CRPPA: variants seen among roughly 807,000 people sequenced by gnomAD.
CRPPA encodes CDP-L-ribitol pyrophosphorylase A, also known as D-ribitol-5-phosphate cytidylyltransferase.
A neutral mutation model predicts 52.0 loss-of-function variants in CRPPA; 43 were observed. That is an observed-to-expected ratio of 0.83 (90% CI 0.65 to 1.07). The LOEUF (loss-of-function observed/expected upper bound fraction) is 1.07, where lower values mean the gene tolerates loss of function less well. CRPPA is among the 50% of genes least tolerant of loss of function. The pLI, the probability that CRPPA is intolerant of heterozygous loss-of-function variation, is 0.00. For missense variants in CRPPA, 629 were observed against 551.7 expected, an observed-to-expected ratio of 1.14 and a Z score of -1.40; for synonymous variants, 250 against 203.5, an observed-to-expected ratio of 1.23 and a Z score of -1.94.
intron 8 of CRPPA, among the ~76,000 whole-genome samples, chr7:16,224,081 T>C (rs1242644929): frequency 6.6e-6 from 1 of 152,156 alleles, no homozygotes; most frequent in African/African-American, 2.4e-5. Context: ...TATAAACTGG[T>C]AAACTGCTTA....
chr7:16,103,663 C>T (rs886805353), intron 9 of CRPPA, among the ~76,000 whole-genome samples: 1 of 152,004 alleles, frequency 6.6e-6, no homozygotes, highest in Non-Finnish European at 1.5e-5. Context: ...CTAACACACC[C>T]AAGTCTGGGG....
intron 3 of CRPPA, among the ~76,000 whole-genome samples, chr7:16,341,204 T>C (rs1182635520): frequency 6.6e-6 from 1 of 151,948 alleles, no homozygotes; most frequent in East Asian, 1.9e-4. Context: ...CCTTGAAACA[T>C]AGAACACCAA....
chr7:16,234,172 A>G (rs539675307), intron 8 of CRPPA, among the ~76,000 whole-genome samples: 6 of 152,284 alleles, frequency 3.9e-5, no homozygotes, highest in African/African-American at 1.4e-4. Flanking sequence ...TTTACTTAAT[A>G]TAGTAGCGAT....
intron 9 of CRPPA, among the ~76,000 whole-genome samples, chr7:16,146,540 A>G (rs1782977647): frequency 6.6e-6 from 1 of 152,198 alleles, no homozygotes; most frequent in Non-Finnish European, 1.5e-5. Context: ...AGTTAAAAAC[A>G]AAAATATTAA....
At chr7:16,231,465 T>C (rs750363044) in intron 8 of CRPPA, among the ~76,000 whole-genome samples, 3 of 152,200 alleles carry the variant, frequency 2.0e-5, no homozygotes, top group Non-Finnish European at 2.9e-5. Flanking sequence ...GCAGTGCTTA[T>C]ATATTATGAT....
At chr7:16,311,942 C>G (rs577929832) in intron 3 of CRPPA, among the ~76,000 whole-genome samples, 4 of 151,976 alleles carry the variant, frequency 2.6e-5, no homozygotes, top group African/African-American at 4.8e-5. Flanking sequence ...TTATGTGATT[C>G]TGTTTCTGGG....
rs558131852 is a variant in CRPPA, at chr7:16,113,244, G to A, written c.1252-21445C>T. Among the ~76,000 whole-genome samples the A allele has an allele frequency of 1.3e-4, 20 of 152,004 alleles. No homozygotes were observed. In the East Asian group the frequency reaches 3.5e-3, roughly 26 times the overall value. On this transcript the variant is annotated intron_variant, in intron 9 of 9. Transcript: ENST00000407010. ...AGATTCAGTTGCAGAGAGAATTACTGAAACTGGAGAAATAATTAAGGAAAT... is the reference window on the plus strand; with the variant it reads ...AGATTCAGTTGCAGAGAGAATTACTAAAACTGGAGAAATAATTAAGGAAAT...
chr7:16,149,982 TAA>T (rs1157286745), intron 9 of CRPPA, among the ~76,000 whole-genome samples: 5 of 138,282 alleles, frequency 3.6e-5, no homozygotes, highest in Admixed American at 7.3e-5. Flanking sequence ...CGAGAGTCAT[TAA>T]AAAAAAAAAA....
intron 8 of CRPPA, among the ~76,000 whole-genome samples, chr7:16,247,275 G>C (rs943298143): frequency 8.5e-5 from 13 of 152,172 alleles, no homozygotes; most frequent in Non-Finnish European, 1.8e-4. Flanking sequence ...CTCTAAATTA[G>C]GCTTTGTATC....
At chr7:16,414,283 C>G (rs117335508) in intron 1 of CRPPA, among the ~76,000 whole-genome samples, 1 of 151,172 alleles carries the variant, frequency 6.6e-6, no homozygotes, top group Non-Finnish European at 1.5e-5. Context: ...CTTTCTTAAT[C>G]CCTTTTGCTG....
chr7:16,163,424 G>C (rs1780961219), intron 9 of CRPPA, among the ~76,000 whole-genome samples: 1 of 151,752 alleles, frequency 6.6e-6, no homozygotes. Flanking sequence ...CACATGAGAT[G>C]GGTCTCCTTA....
intron 9 of CRPPA, among the ~76,000 whole-genome samples, chr7:16,160,414 T>C (rs1187681316): frequency 6.6e-6 from 1 of 152,212 alleles, no homozygotes; most frequent in African/African-American, 2.4e-5. Flanking sequence ...ACACCATTTA[T>C]TAAATAGGGA....
chr7:16,200,137 C>T (rs770683453), intron 9 of CRPPA, among the ~76,000 whole-genome samples: 3 of 152,150 alleles, frequency 2.0e-5, no homozygotes, highest in Non-Finnish European at 4.4e-5. Context: ...GAATTAAAGG[C>T]GTAAGCCACT....
At chr7:16,264,508 T>C (rs1783900723) in intron 6 of CRPPA, among the ~76,000 whole-genome samples, 1 of 152,196 alleles carries the variant, frequency 6.6e-6, no homozygotes, top group Admixed American at 6.5e-5. Context: ...GGAATAAAGA[T>C]GGATTGTCAA....
At chr7:16,211,761 A>G (rs1366838509) in intron 9 of CRPPA, among the ~76,000 whole-genome samples, 1 of 152,198 alleles carries the variant, frequency 6.6e-6, no homozygotes, top group Admixed American at 6.5e-5. Flanking sequence ...GCTGTAATAG[A>G]AAACTGTTCC....
intron 7 of CRPPA, 148 bp downstream of exon 7, chr7:16,258,772 A>G (rs1477717252): frequency 1.8e-6 from 1 of 560,472 alleles, no homozygotes; most frequent in African/African-American, 1.9e-5. Flanking sequence ...GCTTGTTGAA[A>G]GTATTATTTC....
chr7:16,381,409 A>C (rs1220865712), intron 2 of CRPPA, among the ~76,000 whole-genome samples: 2 of 152,036 alleles, frequency 1.3e-5, no homozygotes, highest in Non-Finnish European at 2.9e-5. Flanking sequence ...CTTTACTTCC[A>C]ACTATGTGGT....
chr7:16,234,066 A>G lies in CRPPA; in HGVS notation c.1120-17869T>C, dbSNP rs183822449. ...GAAAAAAGAACAATTATCACTCATAATATTTTATTTCAAACTTTTGTTTTC... is the reference window on the plus strand; with the variant it reads ...GAAAAAAGAACAATTATCACTCATAGTATTTTATTTCAAACTTTTGTTTTC... On this transcript the variant is annotated intron_variant, in intron 8 of 9. Transcript: ENST00000407010. 7.9e-5 allele frequency among the ~76,000 whole-genome samples: 12 copies of G among 152,260 alleles called. No homozygotes were observed. The South Asian group carries it at 2.1e-3, about 26-fold the overall frequency.
intron 5 of CRPPA, among the ~76,000 whole-genome samples, chr7:16,284,162 T>C (rs1784375572): frequency 6.6e-6 from 1 of 152,050 alleles, no homozygotes; most frequent in Non-Finnish European, 1.5e-5. Context: ...AGTCTTTTCA[T>C]TTATTGATGC....
Sources: gnomAD v4.1 joint callset for allele counts (sites outside exome capture counted in the v4.1 genomes callset) on GRCh38, gnomAD v4.1.1 for gene constraint, MANE v1.5 for transcripts, NCBI Gene and HGNC (gene_info 2026-07-23, HGNC 2026-07-21) for gene names.